DSC3: variants seen among roughly 807,000 people sequenced by gnomAD.
DSC3 encodes the protein desmocollin 3, also known as desmocollin-3.
A neutral mutation model predicts 89.5 loss-of-function variants in DSC3; 97 were observed. That is an observed-to-expected ratio of 1.08 (90% CI 0.92 to 1.28). The LOEUF is 1.28. DSC3 is among the 50% of genes most tolerant of loss of function. DSC3 has a pLI of 0.00. For missense variants in DSC3, 1,199 were observed against 1,085.3 expected (o/e 1.10, Z -1.47); for synonymous variants, 436 against 384.1 (o/e 1.14, Z -1.58).
intron 4 of DSC3, among the ~76,000 whole-genome samples, chr18:31,026,330 T>C (rs574830627): frequency 4.6e-5 from 7 of 152,062 alleles, no homozygotes; most frequent in South Asian, 2.1e-4. Context: ...AGGGGCCACA[T>C]TGGAGAATTC....
chr18:31,002,703 AAAAAAAAAAAAAGAAAGAAAG>A (rs1454747870), intron 13 of DSC3, among the ~76,000 whole-genome samples: 1 of 85,352 alleles, frequency 1.2e-5, no homozygotes, highest in African/African-American at 4.1e-5. Context: ...TCTGCCTCAA[AAAAAAAAAAAAAGAAAGAAAG>A]AAAAAAAAAA....
At chr18:31,017,282 G>A (rs971702887) in intron 9 of DSC3, among the ~76,000 whole-genome samples, 1 of 152,170 alleles carries the variant, frequency 6.6e-6, no homozygotes, top group Non-Finnish European at 1.5e-5. Flanking sequence ...AGGTGTTTGT[G>A]TACCAAAGAT....
chr18:31,034,288 G>A (rs1263311470), intron 1 of DSC3, among the ~76,000 whole-genome samples: 1 of 152,058 alleles, frequency 6.6e-6, no homozygotes, highest in Non-Finnish European at 1.5e-5. Flanking sequence ...ATGAAAAGAT[G>A]CCCAACATCA....
At chr18:31,026,818 G>T (rs1030803792) in intron 4 of DSC3, among the ~76,000 whole-genome samples, 1 of 152,098 alleles carries the variant, frequency 6.6e-6, no homozygotes, top group African/African-American at 2.4e-5. Flanking sequence ...CAGGACAAGG[G>T]AATGTGAACA....
chr18:31,002,290 T>G (rs1431083930), intron 13 of DSC3, among the ~76,000 whole-genome samples: 1 of 152,226 alleles, frequency 6.6e-6, no homozygotes, highest in Non-Finnish European at 1.5e-5. Flanking sequence ...TAAAAGACCC[T>G]ATAGTGCATT....
rs760557847 is a variant in DSC3, at chr18:30,994,211, T to C, written c.2655A>G (p.Lys885=). The C allele has an allele frequency of 1.2e-6, 2 of 1,614,080 alleles. No individual in the cohort carries two copies. Among genetic ancestry groups the C allele is most frequent in the Admixed American group, 3.3e-5 (2 of 60,022 alleles). ...GLDFLNNLEP[K]FITLAEACTK... The stretch of plus-strand genomic sequence containing the variant: ...TGCATGCTTCTGCTAATGTAATAAA[T>C]TTGGGTTCCAAATTATTTAAAAAGT... The change falls in exon 16 of 16, where the codon AAA becomes AAG. Residue 885 remains lysine, a synonymous_variant. Coordinates refer to ENST00000360428, the MANE Select transcript of DSC3 (RefSeq NM_001941.5).
chr18:31,037,578 T>G (rs1986010937), intron 1 of DSC3, among the ~76,000 whole-genome samples: 1 of 152,196 alleles, frequency 6.6e-6, no homozygotes, highest in Admixed American at 6.5e-5. Context: ...ATTCATTCAT[T>G]TTTGTTAGAT....
chr18:31,038,202 C>T (rs1168949769), intron 1 of DSC3, among the ~76,000 whole-genome samples: 1 of 152,126 alleles, frequency 6.6e-6, no homozygotes, highest in East Asian at 1.9e-4. Context: ...CAACTTCATA[C>T]GATCCTCATA....
In DSC3 at chr18:31,025,926, A is replaced by G. The variant is rs1353476235; in HGVS notation, c.475-11T>C. ...TGCATCAGATTCAACCTAAAAGTAG[A>G]AAAAAAATATGCAAAAAAATTAAAA... is the stretch of plus-strand genomic sequence containing the variant. On this transcript the variant is annotated splice_polypyrimidine_tract_variant and intron_variant, in intron 4 of 15. Transcript: ENST00000360428. The G allele has an allele frequency of 1.3e-6, 2 of 1,557,954 alleles. No individual in the cohort carries two copies. Among genetic ancestry groups the G allele is most frequent in the Admixed American group, 1.7e-5 (1 of 58,278 alleles).
Position 30,989,811 on chromosome 18 carries a change from T to C in DSC3, c.*4364A>G, listed in dbSNP as rs1279715377. On this transcript the variant is annotated 3_prime_UTR_variant, in exon 16 of 16. Transcript: ENST00000360428. Reference sequence around the variant, plus strand: ...CCAAAATAAACTGTCTAAGCTGGTATTAACCTTTTTCTTAAATTAAAAATG... The same window carrying C: ...CCAAAATAAACTGTCTAAGCTGGTACTAACCTTTTTCTTAAATTAAAAATG... 6.6e-6 allele frequency among the ~76,000 whole-genome samples: 1 copy of C among 152,204 alleles called. No homozygotes were observed. Among genetic ancestry groups the C allele is most frequent in the Non-Finnish European group, 1.5e-5 (1 of 68,032 alleles).
chr18:31,035,324 A>C (rs1043195202), intron 1 of DSC3, among the ~76,000 whole-genome samples: 1 of 152,060 alleles, frequency 6.6e-6, no homozygotes, highest in Non-Finnish European at 1.5e-5. Flanking sequence ...TATCACAAAA[A>C]TATGGACAAA....
chr18:30,996,084 A>G (rs1984455536), intron 15 of DSC3, among the ~76,000 whole-genome samples: 4 of 150,206 alleles, frequency 2.7e-5, no homozygotes, highest in Admixed American at 2.7e-4. Context: ...TTTCTTTCAT[A>G]TTCTTGCTTT....
rs187780660 is a variant in DSC3, at chr18:31,002,942, T to C, written c.2113+1200A>G. ...AAAGTGTGCCAACTCTTGCCTACCC[T>C]ACATGGCCCCACACTACCTTTCTGG... is the stretch of plus-strand genomic sequence containing the variant. On this transcript the variant is annotated intron_variant, in intron 13 of 15. Coordinates refer to ENST00000360428, the MANE Select transcript of DSC3 (RefSeq NM_001941.5). Among the ~76,000 whole-genome samples, 328 of 152,296 alleles carry C rather than the reference T, an allele frequency of 2.2e-3. 1 individual carries two copies. The highest frequency in any genetic ancestry group is 6.8e-3 in the Middle Eastern group (2 of 294).
chr18:31,027,138 A>G (rs1985624135), intron 4 of DSC3, among the ~76,000 whole-genome samples: 1 of 152,164 alleles, frequency 6.6e-6, no homozygotes, highest in South Asian at 2.1e-4. Context: ...TATAGGCTAA[A>G]TTGAAGCTCA....
At chr18:31,025,516 A>C (rs1985566492) in intron 5 of DSC3, among the ~76,000 whole-genome samples, 2 of 152,164 alleles carry the variant, frequency 1.3e-5, no homozygotes, top group Non-Finnish European at 2.9e-5. Context: ...TGACATTTAC[A>C]TCGAAATACT....
In DSC3 at chr18:31,001,620, C is replaced by T; in HGVS notation, c.2233G>A (p.Val745Met). The change falls in exon 14 of 16, where the codon GTG becomes ATG. Residue 745 changes from valine (V) to methionine (M), a missense_variant and splice_region_variant. Coordinates refer to ENST00000360428, the MANE Select transcript of DSC3 (RefSeq NM_001941.5). ...ATATTTATTTAAAAATTACTTACCACTCTATCGTCTCCAGGTGCTTCTGTG... is the reference window on the plus strand; with the variant it reads ...ATATTTATTTAAAAATTACTTACCATTCTATCGTCTCCAGGTGCTTCTGTG... Reference protein sequence around the residue: ...SNTEAPGDDRVCSANGFMTQT... With the variant: ...SNTEAPGDDRMCSANGFMTQT... 6.2e-7 allele frequency: 1 copy of T among 1,609,514 alleles called. No individual in the cohort carries two copies. The highest frequency in any genetic ancestry group is 8.5e-7 in the Non-Finnish European group (1 of 1,177,140).
intron 12 of DSC3, 61 bp from the exon 13 acceptor site, chr18:31,004,427 T>C: frequency 1.3e-6 from 2 of 1,485,222 alleles, no homozygotes; most frequent in Non-Finnish European, 1.8e-6. Flanking sequence ...TTAGCATTTG[T>C]TTCATCACGC....
At position 30,991,461 on chromosome 18, in the gene DSC3, C is replaced by T. The variant is rs1166781868; in HGVS notation, c.*2714G>A. 1 of 152,234 alleles carries T rather than the reference C, an allele frequency of 6.6e-6. No individual in the cohort carries two copies. Among genetic ancestry groups the T allele is most frequent in the African/African-American group, 2.4e-5 (1 of 41,434 alleles). 9.4% of individuals were successfully genotyped at this position (152,234 alleles called of 1,614,324 possible). A position where few individuals can be genotyped will look rare whatever the true frequency, so the allele number is the denominator to read the frequency against. On this transcript the variant is annotated 3_prime_UTR_variant, in exon 16 of 16. Coordinates refer to ENST00000360428, the MANE Select transcript of DSC3 (RefSeq NM_001941.5). Reference sequence around the variant, plus strand: ...ATTTTCATTTGAGAGAAAAGAATTACAAATTCGGGCATACATGCAGACCAG... The same window carrying T: ...ATTTTCATTTGAGAGAAAAGAATTATAAATTCGGGCATACATGCAGACCAG...
rs530928866 is a variant in DSC3, at chr18:30,994,237, C to G, written c.2629G>C (p.Asp877His). The change falls in exon 16 of 16, where the codon GAC becomes CAC. Residue 877 changes from aspartate to histidine, a missense_variant. Transcript: ENST00000360428. ...TTGGGTTCCAAATTATTTAAAAAGT[C>G]AAGGCCATCTTCTTCCTGCTTTTCA... ...CSEKQEEDGL[D>H]FLNNLEPKFI... 48 of 1,614,054 alleles carry G rather than the reference C, an allele frequency of 3.0e-5. 1 individual carries two copies. The South Asian group carries it at 4.7e-4, about 16-fold the overall frequency.
Sources: gnomAD v4.1 joint callset for allele counts (sites outside exome capture counted in the v4.1 genomes callset) on GRCh38, gnomAD v4.1.1 for gene constraint, MANE v1.5 for transcripts, NCBI Gene and HGNC (gene_info 2026-07-23, HGNC 2026-07-21) for gene names.